ZNF407: variants seen among roughly 807,000 people sequenced by gnomAD.
ZNF407 encodes the protein zinc finger protein 407.
In ZNF407, 17 loss-of-function variants were observed where a neutral mutation model predicts 131.2. The observed-to-expected ratio is 0.13, with a 90% CI of 0.09 to 0.19. ZNF407 has a LOEUF of 0.19. Ranked by LOEUF, ZNF407 falls within the 10% of genes least tolerant of loss-of-function variation. ZNF407 has a pLI of 1.00. For synonymous variants in ZNF407, 1,156 were observed against 1,062.0 expected (o/e 1.09, Z -1.72); for missense variants, 2,681 against 2,830.6 (o/e 0.95, Z 1.20).
intron 4 of ZNF407, among the ~76,000 whole-genome samples, chr18:74,830,605 A>G (rs1469897549): frequency 6.6e-6 from 1 of 152,154 alleles, no homozygotes; most frequent in Admixed American, 6.5e-5. Flanking sequence ...ATTGACGAAT[A>G]ATGTTTGTAC....
chr18:74,734,198 C>T (rs575043106), intron 3 of ZNF407, among the ~76,000 whole-genome samples: 3 of 152,146 alleles, frequency 2.0e-5, no homozygotes, highest in Non-Finnish European at 2.9e-5. Flanking sequence ...CTCAATGTCA[C>T]GCCACTCATT....
chr18:74,771,880 T>C (rs2145002579), intron 3 of ZNF407, among the ~76,000 whole-genome samples: 1 of 152,336 alleles, frequency 6.6e-6, no homozygotes, highest in African/African-American at 2.4e-5. Context: ...ATCTCTATGC[T>C]TATATCAATT....
chr18:74,864,997 G>C (rs777116982), intron 4 of ZNF407, among the ~76,000 whole-genome samples: 4 of 152,170 alleles, frequency 2.6e-5, no homozygotes, highest in Non-Finnish European at 5.9e-5. Context: ...ATAATTAGCT[G>C]TCAGCTCCAT....
intron 8 of ZNF407, among the ~76,000 whole-genome samples, chr18:74,955,802 G>A (rs1277664450): frequency 1.3e-5 from 2 of 152,110 alleles, no homozygotes; most frequent in African/African-American, 2.4e-5. Flanking sequence ...GTGAGGTCAG[G>A]GAAAGGACTT....
At chr18:75,002,101 T>C in intron 8 of ZNF407, among the ~76,000 whole-genome samples, 1 of 152,340 alleles carries the variant, frequency 6.6e-6, no homozygotes. Flanking sequence ...TGGCCAGCCA[T>C]GTGAGCGCAA....
At chr18:74,860,560 A>G (rs967404057) in intron 4 of ZNF407, among the ~76,000 whole-genome samples, 2 of 151,550 alleles carry the variant, frequency 1.3e-5, no homozygotes, top group African/African-American at 2.4e-5. Context: ...CAGCAAGTTC[A>G]TAATATTTAT....
intron 8 of ZNF407, among the ~76,000 whole-genome samples, chr18:75,039,474 G>A (rs900047383): frequency 6.6e-6 from 1 of 152,198 alleles, no homozygotes; most frequent in African/African-American, 2.4e-5. Context: ...TGTGACAACA[G>A]GACTTGTATT....
At chr18:74,833,281 A>G (rs1465072015) in intron 4 of ZNF407, among the ~76,000 whole-genome samples, 3 of 152,250 alleles carry the variant, frequency 2.0e-5, no homozygotes, top group African/African-American at 4.8e-5. Context: ...GTTAAAAATG[A>G]GAAAGACCAG....
chr18:74,835,986 T>C (rs1034615364), intron 4 of ZNF407, among the ~76,000 whole-genome samples: 1 of 149,726 alleles, frequency 6.7e-6, no homozygotes, highest in African/African-American at 2.5e-5. Flanking sequence ...GAAGGGCTCC[T>C]TTGGGATAAG....
intron 3 of ZNF407, among the ~76,000 whole-genome samples, chr18:74,761,221 A>G (rs768037434): frequency 1.3e-5 from 2 of 152,166 alleles, no homozygotes; most frequent in Non-Finnish European, 2.9e-5. Context: ...ACATTCACTT[A>G]ATTTCAGGAT....
intron 4 of ZNF407, among the ~76,000 whole-genome samples, chr18:74,815,733 C>G (rs894671859): frequency 1.3e-5 from 2 of 152,180 alleles, no homozygotes; most frequent in African/African-American, 4.8e-5. Flanking sequence ...AAATCAGTCT[C>G]TGTACAGAGG....
At chr18:74,945,010 G>T (rs1194491312) in intron 8 of ZNF407, among the ~76,000 whole-genome samples, 1 of 152,144 alleles carries the variant, frequency 6.6e-6, no homozygotes, top group Non-Finnish European at 1.5e-5. Context: ...ATAACAGCCA[G>T]CGACGACTCG....
chr18:74,999,365 A>G (rs1438736374), intron 8 of ZNF407, among the ~76,000 whole-genome samples: 2 of 149,846 alleles, frequency 1.3e-5, no homozygotes, highest in African/African-American at 4.9e-5. Flanking sequence ...AAAAAAAAAA[A>G]AAAAAAAAAA....
At position 74,755,327 on chromosome 18, in the gene ZNF407, G is replaced by A. The variant is rs1314111892; in HGVS notation, c.4803-26101G>A. Among the ~76,000 whole-genome samples, 5 of 151,930 alleles carry A rather than the reference G, an allele frequency of 3.3e-5. No homozygotes were observed. The East Asian group carries it at 7.8e-4, about 24-fold the overall frequency. Reference sequence around the variant, plus strand: ...TGCCCGTCTGTGTCTTTTAATTGGAGGATTTAGCCCATTTACATTTAAGGT... The same window carrying A: ...TGCCCGTCTGTGTCTTTTAATTGGAAGATTTAGCCCATTTACATTTAAGGT... On this transcript the variant is annotated intron_variant, in intron 3 of 8. Transcript: ENST00000299687.
intron 8 of ZNF407, among the ~76,000 whole-genome samples, chr18:75,038,495 A>G (rs1048546579): frequency 2.6e-5 from 4 of 152,312 alleles, no homozygotes; most frequent in Middle Eastern, 3.4e-3. Context: ...TACACCTGAC[A>G]TTGTTCATAA....
intron 8 of ZNF407, among the ~76,000 whole-genome samples, chr18:74,929,714 G>C (rs529181550): frequency 6.6e-5 from 10 of 152,120 alleles, no homozygotes; most frequent in Non-Finnish European, 1.0e-4. Flanking sequence ...AGCTGAAGCC[G>C]TTTACTAAAG....
rs747184598 is a variant in ZNF407 at position 74,631,393 on chromosome 18, C to A, written c.374C>A (p.Thr125Lys). The A allele has an allele frequency of 6.2e-7, 1 of 1,614,004 alleles. No homozygotes were observed. The highest frequency in any genetic ancestry group is 1.7e-5 in the Admixed American group (1 of 60,026). The change falls in exon 2 of 9, where the codon ACA becomes AAA. Residue 125 changes from threonine (T) to lysine (K), a missense_variant. Thr to Lys is a moderately conservative substitution (Grantham distance 78, BLOSUM62 -1). Coordinates refer to ENST00000299687, the MANE Select transcript of ZNF407 (RefSeq NM_017757.3). Reference sequence around the variant, plus strand: ...CTGAGTGACTGCACAGTTGGAGGCACATGTCTCCCAAATGCCCTCTCCCCT... The same window carrying A: ...CTGAGTGACTGCACAGTTGGAGGCAAATGTCTCCCAAATGCCCTCTCCCCT... ...TFLSDCTVGG[T>K]CLPNALSPSC...
Position 74,701,382 on chromosome 18 carries a change from A to G in ZNF407, c.4802+60260A>G, listed in dbSNP as rs144994560. Among the ~76,000 whole-genome samples, 5 of 152,292 alleles carry G rather than the reference A, an allele frequency of 3.3e-5. No homozygotes were observed. The East Asian group carries it at 5.8e-4, about 18-fold the overall frequency. ...TGTGAGTTAGCAACTTCTTTCAAAG[A>G]TTGGTCATCCTGTGATGTTTTTATT... On this transcript the variant is annotated intron_variant, in intron 3 of 8. Transcript: ENST00000299687.
chr18:74,616,226 G>A (rs1983283650), intron 1 of ZNF407, among the ~76,000 whole-genome samples: 1 of 152,138 alleles, frequency 6.6e-6, no homozygotes, highest in South Asian at 2.1e-4. Context: ...GACTGGTATG[G>A]GCACCACAGT....
Sources: gnomAD v4.1 joint callset for allele counts (sites outside exome capture counted in the v4.1 genomes callset) on GRCh38, gnomAD v4.1.1 for gene constraint, MANE v1.5 for transcripts, NCBI Gene and HGNC (gene_info 2026-07-23, HGNC 2026-07-21) for gene names.